Variants in L3MBTL4 observed in about 807,000 individuals in gnomAD.
L3MBTL4 encodes the protein lethal(3)malignant brain tumor-like protein 4.
L3MBTL4 carries 70 observed loss-of-function variants against 84.5 expected under a neutral mutation model. The observed-to-expected ratio is 0.83, with a 90% CI of 0.68 to 1.01. The LOEUF is 1.01. L3MBTL4 is among the 50% of genes least tolerant of loss of function. The pLI, the probability that L3MBTL4 is intolerant of heterozygous loss-of-function variation, is 0.00. For synonymous variants in L3MBTL4, 274 were observed against 259.8 expected (o/e 1.05, Z -0.52); for missense variants, 715 against 754.8 (o/e 0.95, Z 0.62).
At chr18:5,974,919 G>A (rs139638155) in intron 16 of L3MBTL4, among the ~76,000 whole-genome samples, 4 of 152,064 alleles carry the variant, frequency 2.6e-5, no homozygotes, top group East Asian at 1.9e-4. Context: ...AGTTATGATC[G>A]CACCACTGCA....
At chr18:6,310,262 C>A (rs1041000577) in intron 3 of L3MBTL4, among the ~76,000 whole-genome samples, 12 of 152,210 alleles carry the variant, frequency 7.9e-5, no homozygotes, top group African/African-American at 2.7e-4. Flanking sequence ...TGGTCCAAGA[C>A]ACCTCTTAAA....
chr18:6,281,684 A>G (rs908870161), intron 4 of L3MBTL4, among the ~76,000 whole-genome samples: 3 of 152,212 alleles, frequency 2.0e-5, no homozygotes, highest in Non-Finnish European at 2.9e-5. Context: ...GACCTACTTA[A>G]TTCAGATTTG....
chr18:6,074,639 G>A, intron 16 of L3MBTL4, among the ~76,000 whole-genome samples: 1 of 152,056 alleles, frequency 6.6e-6, no homozygotes, highest in East Asian at 1.9e-4. Context: ...TGTTGTTGGG[G>A]GACTGGTGTT....
chr18:6,325,524 C>T (rs1401368226), intron 1 of L3MBTL4, among the ~76,000 whole-genome samples: 1 of 151,832 alleles, frequency 6.6e-6, no homozygotes, highest in Admixed American at 6.6e-5. Flanking sequence ...AAGCAAAAGC[C>T]CTTAATATGT....
chr18:6,132,388 C>A (rs1043041003), intron 14 of L3MBTL4, among the ~76,000 whole-genome samples: 3 of 152,022 alleles, frequency 2.0e-5, no homozygotes, highest in Non-Finnish European at 4.4e-5. Flanking sequence ...TTTTGGAGAC[C>A]TTGCTCTTAC....
At position 5,960,047 on chromosome 18, in the gene L3MBTL4, TATATATATATATAC is replaced by T. The variant is rs747010658; in HGVS notation, c.1677+33_1677+46del. 9 of 204,484 alleles carry T rather than the reference TATATATATATATAC, an allele frequency of 4.4e-5. No individual in the cohort carries two copies. The East Asian group carries it at 1.7e-3, about 39-fold the overall frequency. 12.7% of individuals were successfully genotyped at this position (204,484 alleles called of 1,614,324 possible). Reference sequence around the variant, plus strand: ...ATACATATATATATATACACACACATATATATATATATACATATATATATATATAATTTTTGCAT... The same window carrying T: ...ATACATATATATATATACACACACATATATATATATATATAATTTTTGCAT... On this transcript the variant is annotated intron_variant, in intron 18 of 18. Coordinates refer to ENST00000317931, the MANE Select transcript of L3MBTL4 (RefSeq NM_001330559.2).
At chr18:5,997,941 C>T (rs1425147497) in intron 16 of L3MBTL4, among the ~76,000 whole-genome samples, 1 of 152,170 alleles carries the variant, frequency 6.6e-6, no homozygotes, top group Non-Finnish European at 1.5e-5. Flanking sequence ...GAACCAATCC[C>T]CCAGGGATAT....
At chr18:6,245,634 G>C (rs1322885290) in intron 5 of L3MBTL4, among the ~76,000 whole-genome samples, 1 of 143,140 alleles carries the variant, frequency 7.0e-6, no homozygotes, top group Non-Finnish European at 1.5e-5. Flanking sequence ...CTGTCACCCA[G>C]ACTGCAGTGC....
At chr18:6,325,052 C>T in intron 1 of L3MBTL4, among the ~76,000 whole-genome samples, 1 of 152,024 alleles carries the variant, frequency 6.6e-6, no homozygotes, top group African/African-American at 2.4e-5. Context: ...TCATACTCTG[C>T]TGGAAGAAGA....
chr18:6,384,655 G>A (rs143002152), intron 1 of L3MBTL4, among the ~76,000 whole-genome samples: 2 of 152,206 alleles, frequency 1.3e-5, no homozygotes, highest in Admixed American at 6.5e-5. Flanking sequence ...TCCCCACCCT[G>A]TTCTGAATAT....
chr18:6,311,691 G>T lies in L3MBTL4; in HGVS notation c.-31-35C>A, dbSNP rs555215052. On this transcript the variant is annotated intron_variant, in intron 2 of 18. Coordinates refer to ENST00000317931, the MANE Select transcript of L3MBTL4 (RefSeq NM_001330559.2). ...AGGGTTACATAAGAAGTTGGGGATGGGGGTGTGACCCCTTCAGAATTACAG... is the reference window on the plus strand; with the variant it reads ...AGGGTTACATAAGAAGTTGGGGATGTGGGTGTGACCCCTTCAGAATTACAG... The T allele has an allele frequency of 3.3e-6, 4 of 1,224,996 alleles. No individual in the cohort carries two copies. The African/African-American group carries it at 5.9e-5, about 18-fold the overall frequency. 75.9% of individuals were successfully genotyped at this position (1,224,996 alleles called of 1,614,324 possible).
intron 16 of L3MBTL4, among the ~76,000 whole-genome samples, chr18:6,054,952 T>A (rs532952806): frequency 1.3e-5 from 2 of 152,324 alleles, no homozygotes; most frequent in African/African-American, 2.4e-5. Context: ...TCCACATGAA[T>A]CCACTGGAAG....
chr18:6,387,243 G>A (rs995516347), intron 1 of L3MBTL4, among the ~76,000 whole-genome samples: 4 of 152,156 alleles, frequency 2.6e-5, no homozygotes, highest in African/African-American at 7.2e-5. Context: ...TAAGGCTGTC[G>A]TCTCTGTGCT....
intron 1 of L3MBTL4, among the ~76,000 whole-genome samples, chr18:6,410,244 T>G (rs537586384): frequency 1.3e-5 from 2 of 152,246 alleles, no homozygotes; most frequent in Non-Finnish European, 2.9e-5. Context: ...AACTTCCTTT[T>G]GCTTCCATTC....
intron 13 of L3MBTL4, among the ~76,000 whole-genome samples, chr18:6,140,468 T>C (rs936068331): frequency 1.3e-5 from 2 of 152,046 alleles, no homozygotes; most frequent in Admixed American, 6.5e-5. Flanking sequence ...AGACGAGGTG[T>C]TATCAAAACA....
intron 5 of L3MBTL4, among the ~76,000 whole-genome samples, chr18:6,251,900 C>T (rs764706415): frequency 9.9e-5 from 15 of 152,126 alleles, no homozygotes; most frequent in Non-Finnish European, 1.8e-4. Context: ...TCAGAACACA[C>T]GACTACCAAT....
chr18:6,280,309 G>A (rs1321537409), intron 4 of L3MBTL4, among the ~76,000 whole-genome samples: 1 of 152,200 alleles, frequency 6.6e-6, no homozygotes, highest in African/African-American at 2.4e-5. Context: ...CCAGTGAAGA[G>A]TTCTATTAGT....
intron 12 of L3MBTL4, among the ~76,000 whole-genome samples, chr18:6,187,217 T>C (rs943306112): frequency 6.6e-6 from 1 of 152,210 alleles, no homozygotes; most frequent in Non-Finnish European, 1.5e-5. Context: ...TTTTAGCATA[T>C]ATGAGTTTTA....
intron 17 of L3MBTL4, among the ~76,000 whole-genome samples, chr18:5,960,956 C>A (rs2095260423): frequency 6.6e-6 from 1 of 152,160 alleles, no homozygotes. Context: ...AAAGGGTAGA[C>A]TCCCAACAGC....
Sources: gnomAD v4.1 joint callset for allele counts (sites outside exome capture counted in the v4.1 genomes callset) on GRCh38, gnomAD v4.1.1 for gene constraint, MANE v1.5 for transcripts, NCBI Gene and HGNC (gene_info 2026-07-23, HGNC 2026-07-21) for gene names.